Variants in DNAAF11 observed in about 807,000 individuals in gnomAD.
DNAAF11 encodes leucine rich repeat containing 6.
DNAAF11 carries 45 observed loss-of-function variants against 60.8 expected under a neutral mutation model. The ratio of observed to expected loss-of-function variants is 0.74; its 90% CI spans 0.58 to 0.95. The LOEUF is 0.95. Among genes scored for constraint, DNAAF11 ranks in the 40% least tolerant of loss-of-function variants. The pLI, the probability that DNAAF11 is intolerant of heterozygous loss-of-function variation, is 0.00. For missense variants in DNAAF11, 546 were observed against 546.2 expected, an observed-to-expected ratio of 1.00 and a Z score of 0.00; for synonymous variants, 191 against 183.5, an observed-to-expected ratio of 1.04 and a Z score of -0.33.
chr8:132,626,218 A>T (rs1299946167), intron 5 of DNAAF11, among the ~76,000 whole-genome samples: 2 of 151,746 alleles, frequency 1.3e-5, no homozygotes, highest in African/African-American at 2.4e-5. Context: ...CACCCGGCTA[A>T]TTTTTTGTAT....
At chr8:132,651,154 T>C (rs1222171626) in intron 3 of DNAAF11, among the ~76,000 whole-genome samples, 1 of 152,034 alleles carries the variant, frequency 6.6e-6, no homozygotes, top group African/African-American at 2.4e-5. Flanking sequence ...CAACACTGAC[T>C]GCCAAAGGCG....
At chr8:132,599,983 G>A (rs1402784759) in intron 10 of DNAAF11, among the ~76,000 whole-genome samples, 1 of 152,146 alleles carries the variant, frequency 6.6e-6, no homozygotes, top group Non-Finnish European at 1.5e-5. Context: ...AAGTCAAATT[G>A]TCCCTGTATG....
At chr8:132,678,226 C>T (rs1184176004), upstream of DNAAF11, among the ~76,000 whole-genome samples, 1 of 152,172 alleles carries the variant, frequency 6.6e-6, no homozygotes, top group Non-Finnish European at 1.5e-5. Flanking sequence ...GCTAAGTAAT[C>T]GTTTCAAAGC....
chr8:132,608,681 G>A (rs1818351403), intron 10 of DNAAF11: 1 of 243,186 alleles, frequency 4.1e-6, no homozygotes, highest in African/African-American at 2.2e-5. Flanking sequence ...TAATCATAGT[G>A]TTACACAAAT....
At chr8:132,695,434 C>A in the DNAAF11 span, among the ~76,000 whole-genome samples, 1 of 152,246 alleles carries the variant, frequency 6.6e-6, no homozygotes, top group South Asian at 2.1e-4. Flanking sequence ...GCAGCAAGAA[C>A]TTTCCTTCTA....
At chr8:132,678,168 G>C (rs1825815720), upstream of DNAAF11, among the ~76,000 whole-genome samples, 1 of 151,950 alleles carries the variant, frequency 6.6e-6, no homozygotes, top group African/African-American at 2.4e-5. Flanking sequence ...GGCCCAGAGA[G>C]GCACTGAAAT....
chr8:132,659,029 C>T (rs1375599754), intron 2 of DNAAF11, among the ~76,000 whole-genome samples: 1 of 152,188 alleles, frequency 6.6e-6, no homozygotes, highest in Non-Finnish European at 1.5e-5. Flanking sequence ...ATTTAAGCAG[C>T]TCTGTAGCCC....
chr8:132,595,113 G>C (rs1248524973), intron 10 of DNAAF11, among the ~76,000 whole-genome samples: 2 of 152,018 alleles, frequency 1.3e-5, no homozygotes, highest in Non-Finnish European at 2.9e-5. Context: ...AAATTACCCA[G>C]TCTTGGGTAT....
chr8:132,624,618 T>C (rs1473975213), intron 6 of DNAAF11, among the ~76,000 whole-genome samples: 1 of 152,166 alleles, frequency 6.6e-6, no homozygotes, highest in Admixed American at 6.5e-5. Context: ...GATTACTATA[T>C]TTCAGGGCTA....
At chr8:132,575,300 C>G (rs1002779231) in intron 11 of DNAAF11, among the ~76,000 whole-genome samples, 1 of 152,108 alleles carries the variant, frequency 6.6e-6, no homozygotes, top group African/African-American at 2.4e-5. Flanking sequence ...ATGTAAAGGA[C>G]GTAGAGAAGT....
the DNAAF11 span, among the ~76,000 whole-genome samples, chr8:132,682,002 A>G: frequency 6.6e-6 from 1 of 152,214 alleles, no homozygotes; most frequent in Non-Finnish European, 1.5e-5. Flanking sequence ...GATGGTGTGT[A>G]AAATGTTTGC....
chr8:132,591,854 AT>A (rs1816501047), intron 10 of DNAAF11, among the ~76,000 whole-genome samples: 1 of 152,150 alleles, frequency 6.6e-6, no homozygotes, highest in African/African-American at 2.4e-5. Flanking sequence ...TTATTTAATT[AT>A]TGTAGATTGT....
At chr8:132,650,042 C>T (rs1232375680) in intron 3 of DNAAF11, among the ~76,000 whole-genome samples, 7 of 152,228 alleles carry the variant, frequency 4.6e-5, no homozygotes, top group African/African-American at 9.7e-5. Flanking sequence ...GATTATAAAT[C>T]ATGCTGCTAT....
chr8:132,657,410 A>G (rs545563951), intron 2 of DNAAF11, among the ~76,000 whole-genome samples: 13 of 152,194 alleles, frequency 8.5e-5, no homozygotes, highest in African/African-American at 2.7e-4. Context: ...CTTATACTCA[A>G]TCATAAGGGA....
At chr8:132,675,432 G>T in intron 1 of DNAAF11, 52 bp downstream of exon 1, 3 of 1,545,076 alleles carry the variant, frequency 1.9e-6, no homozygotes, top group Non-Finnish European at 2.6e-6. Context: ...CGAGACCCGG[G>T]ACTACTTCCA....
At chr8:132,647,499 A>C (rs1822522347) in intron 3 of DNAAF11, among the ~76,000 whole-genome samples, 1 of 152,220 alleles carries the variant, frequency 6.6e-6, no homozygotes, top group South Asian at 2.1e-4. Flanking sequence ...AGAAGGCAAG[A>C]AATAACTTAG....
chr8:132,592,566 T>C (rs980640044), intron 10 of DNAAF11, among the ~76,000 whole-genome samples: 2 of 152,156 alleles, frequency 1.3e-5, no homozygotes, highest in African/African-American at 4.8e-5. Flanking sequence ...TAGGACTTTA[T>C]TCTAAAGATG....
chr8:132,666,099 G>A (rs558583465), intron 1 of DNAAF11, among the ~76,000 whole-genome samples: 1 of 152,268 alleles, frequency 6.6e-6, no homozygotes, highest in South Asian at 2.1e-4. Context: ...TCCAAAATGG[G>A]CGAAGGAGGG....
chr8:132,633,874 G>A (rs1330155659), intron 4 of DNAAF11, among the ~76,000 whole-genome samples: 4 of 152,128 alleles, frequency 2.6e-5, no homozygotes, highest in Non-Finnish European at 5.9e-5. Context: ...CAAAGTAAGG[G>A]ATTCTCTCCT....
Sources: allele counts gnomAD v4.1 joint callset (sites outside exome capture counted in the v4.1 genomes callset), GRCh38; gene constraint gnomAD v4.1.1; transcripts MANE v1.5; gene names NCBI Gene and HGNC (gene_info 2026-07-23, HGNC 2026-07-21).